ZSWIM6: variants seen among roughly 807,000 people sequenced by gnomAD.
The protein encoded by ZSWIM6 is zinc finger SWIM-type containing 6.
ZSWIM6 carries 9 observed loss-of-function variants against 113.2 expected under a neutral mutation model. The ratio of observed to expected loss-of-function variants is 0.08; its 90% CI spans 0.05 to 0.14. The LOEUF (loss-of-function observed/expected upper bound fraction) is 0.14, where lower values mean the gene tolerates loss of function less well. Among genes scored for constraint, ZSWIM6 ranks in the 10% least tolerant of loss-of-function variants. The pLI is 1.00. For synonymous variants in ZSWIM6, 611 were observed against 606.5 expected (o/e 1.01, Z -0.11); for missense variants, 1,162 against 1,552.2 (o/e 0.75, Z 4.22).
At chr5:61,494,145 C>G (rs569814919) in intron 3 of ZSWIM6, 115 bp from the exon 4 acceptor site, 2 of 922,578 alleles carry the variant, frequency 2.2e-6, no homozygotes, top group South Asian at 1.8e-5. Context: ...CACACACACA[C>G]GGAGAGAGAG....
chr5:61,517,388 C>T (rs1452990738), intron 4 of ZSWIM6, among the ~76,000 whole-genome samples: 2 of 152,136 alleles, frequency 1.3e-5, no homozygotes, highest in Non-Finnish European at 2.9e-5. Flanking sequence ...TTCCCTCTGT[C>T]ATCTCCGTTC....
intron 12 of ZSWIM6, 70 bp from the exon 13 acceptor site, chr5:61,541,812 GTT>G (rs1749745346): frequency 7.6e-7 from 1 of 1,318,202 alleles, no homozygotes; most frequent in Non-Finnish European, 1.1e-6. Context: ...ATGCCTTATA[GTT>G]TATCCCCCCC....
chr5:61,380,911 C>A (rs1253346429), intron 1 of ZSWIM6, among the ~76,000 whole-genome samples: 1 of 149,582 alleles, frequency 6.7e-6, no homozygotes, highest in Non-Finnish European at 1.5e-5. Context: ...AAAGCCTGGG[C>A]AACATGGCGA....
intron 1 of ZSWIM6, among the ~76,000 whole-genome samples, chr5:61,417,213 C>G (rs1208402931): frequency 6.6e-6 from 1 of 152,132 alleles, no homozygotes; most frequent in Non-Finnish European, 1.5e-5. Flanking sequence ...TAGGTTGGAA[C>G]TGTAGTTGCA....
At chr5:61,467,925 C>T (rs1747473111) in intron 1 of ZSWIM6, among the ~76,000 whole-genome samples, 1 of 152,194 alleles carries the variant, frequency 6.6e-6, no homozygotes, top group South Asian at 2.1e-4. Context: ...GACCCCTCCT[C>T]CCCTCAAGAT....
rs1745476863 is a variant in ZSWIM6, at chr5:61,381,580, T to A, written c.676+48632T>A. Among the ~76,000 whole-genome samples, 3 of 152,342 alleles carry A rather than the reference T, an allele frequency of 2.0e-5. No individual in the cohort carries two copies. In the South Asian group the frequency reaches 6.2e-4, roughly 32 times the overall value. The stretch of plus-strand genomic sequence containing the variant: ...GAATAAAAGTACATGCTTGCCTCAG[T>A]GGTGAGCAGTTGTCCATAGTTTTTT... On this transcript the variant is annotated intron_variant, in intron 1 of 13. Transcript: ENST00000252744.
At chr5:61,337,038 T>C (rs1324793643) in intron 1 of ZSWIM6, among the ~76,000 whole-genome samples, 2 of 152,130 alleles carry the variant, frequency 1.3e-5, no homozygotes, top group African/African-American at 4.8e-5. Flanking sequence ...CCCAGCACTT[T>C]GGGAGGCCAA....
chr5:61,390,601 G>T, intron 1 of ZSWIM6: 2 of 655,904 alleles, frequency 3.0e-6, no homozygotes, highest in South Asian at 1.5e-5. Flanking sequence ...TCTCAAAAAT[G>T]GTATTTTTTT....
At chr5:61,526,079 GA>G in intron 6 of ZSWIM6, 103 bp downstream of exon 6, 1 of 1,439,120 alleles carries the variant, frequency 6.9e-7, no homozygotes, top group Non-Finnish European at 9.4e-7. Flanking sequence ...TTCAATGGGA[GA>G]TGGATGAATG....
intron 1 of ZSWIM6, among the ~76,000 whole-genome samples, chr5:61,440,401 G>C (rs1746801893): frequency 6.6e-6 from 1 of 151,474 alleles, no homozygotes; most frequent in African/African-American, 2.4e-5. Flanking sequence ...TGAACCTAAG[G>C]GTGAAGTGCT....
chr5:61,410,084 A>T (rs1404604339), intron 1 of ZSWIM6, among the ~76,000 whole-genome samples: 1 of 152,154 alleles, frequency 6.6e-6, no homozygotes, highest in Non-Finnish European at 1.5e-5. Context: ...TTCCTTAGGC[A>T]CAATCACTGT....
At chr5:61,479,966 G>A (rs1351493675) in intron 2 of ZSWIM6, among the ~76,000 whole-genome samples, 1 of 151,702 alleles carries the variant, frequency 6.6e-6, no homozygotes, top group Non-Finnish European at 1.5e-5. Context: ...TATTCTTAAA[G>A]CCTGCAAACA....
intron 1 of ZSWIM6, among the ~76,000 whole-genome samples, chr5:61,382,598 G>C (rs1246094414): frequency 1.3e-5 from 2 of 152,158 alleles, no homozygotes; most frequent in Non-Finnish European, 2.9e-5. Flanking sequence ...GAGGTCAGGA[G>C]TTTGAGACCA....
At chr5:61,387,918 G>A (rs571636764) in intron 1 of ZSWIM6, among the ~76,000 whole-genome samples, 96 of 148,870 alleles carry the variant, frequency 6.4e-4, no homozygotes, top group Non-Finnish European at 1.2e-3. Flanking sequence ...CTTTGAGGGG[G>A]GGAGAAAAGC....
At chr5:61,445,163 G>A (rs181447162) in intron 1 of ZSWIM6, among the ~76,000 whole-genome samples, 52 of 152,000 alleles carry the variant, frequency 3.4e-4, no homozygotes, top group Middle Eastern at 3.4e-3. Context: ...GACCAAAAGC[G>A]TCAAAAATGT....
intron 1 of ZSWIM6, among the ~76,000 whole-genome samples, chr5:61,440,376 A>AT (rs1435610635): frequency 6.6e-6 from 1 of 151,632 alleles, no homozygotes; most frequent in Non-Finnish European, 1.5e-5. Flanking sequence ...AAAAAAAAAA[A>AT]AAAAAAGATA....
chr5:61,440,725 C>T (rs1746810443), intron 1 of ZSWIM6, among the ~76,000 whole-genome samples: 1 of 152,166 alleles, frequency 6.6e-6, no homozygotes, highest in South Asian at 2.1e-4. Context: ...GGCGTTCAGG[C>T]CCTAAGCTAT....
At chr5:61,401,991 A>G (rs1745947338) in intron 1 of ZSWIM6, among the ~76,000 whole-genome samples, 1 of 146,784 alleles carries the variant, frequency 6.8e-6, no homozygotes, top group African/African-American at 2.6e-5. Flanking sequence ...ATCCACACTG[A>G]TACCTGTTCT....
intron 1 of ZSWIM6, among the ~76,000 whole-genome samples, chr5:61,413,053 G>T (rs78369853): frequency 0.1 from 15,395 of 148,072 alleles, 992 homozygotes; most frequent in Middle Eastern, 0.16. Context: ...TTAAGTTTTA[G>T]GGTACATGTG....
Sources: gnomAD v4.1 joint callset for allele counts (sites outside exome capture counted in the v4.1 genomes callset) on GRCh38, gnomAD v4.1.1 for gene constraint, MANE v1.5 for transcripts, NCBI Gene and HGNC (gene_info 2026-07-23, HGNC 2026-07-21) for gene names.